The following PCDHA3 variants were observed in gnomAD, a reference collection of about 807,000 sequenced individuals.
PCDHA3 encodes the protein protocadherin alpha-3.
PCDHA3 carries 41 observed loss-of-function variants against 62.2 expected under a neutral mutation model. The observed-to-expected ratio is 0.66, with a 90% CI of 0.51 to 0.86. The LOEUF (loss-of-function observed/expected upper bound fraction) is 0.86, where lower values mean the gene tolerates loss of function less well. Among genes scored for constraint, PCDHA3 ranks in the 40% least tolerant of loss-of-function variants. The pLI, the probability that PCDHA3 is intolerant of heterozygous loss-of-function variation, is 0.00. For synonymous variants in PCDHA3, 640 were observed against 555.4 expected (o/e 1.15, Z -2.14); for missense variants, 1,304 against 1,241.2 (o/e 1.05, Z -0.76).
intron 1 of PCDHA3, among the ~76,000 whole-genome samples, chr5:140,971,471 G>A (rs1274091500): frequency 1.3e-5 from 2 of 152,172 alleles, no homozygotes; most frequent in African/African-American, 4.8e-5. Context: ...TATAGGGAGA[G>A]AGTGTCACAT....
chr5:140,897,383 C>T (rs1554187365), intron 1 of PCDHA3, among the ~76,000 whole-genome samples: 1 of 143,902 alleles, frequency 6.9e-6, no homozygotes, highest in African/African-American at 2.6e-5. Flanking sequence ...CTTCCCCTTC[C>T]TGTGTCCATG....
At chr5:140,821,548 C>T (rs2150109785) in intron 1 of PCDHA3, 2 of 493,744 alleles carry the variant, frequency 4.1e-6, no homozygotes, top group South Asian at 4.1e-5. Context: ...CCCTTTCATC[C>T]ACATGATGTC....
rs1554177749 is a variant in PCDHA3 at position 140,883,345 on chromosome 5, C to T, written c.2394+79754C>T. The T allele has an allele frequency of 1.9e-6, 3 of 1,614,050 alleles. No homozygotes were observed. In the African/African-American group the frequency reaches 4.0e-5, roughly 22 times the overall value. On this transcript the variant is annotated intron_variant, in intron 1 of 3. Transcript: ENST00000522353. ...CCATCACTTCTTTGTCACTCCCCAT[C>T]AGAGAAGACACTCAGCCTAGCGCCA...
chr5:140,866,062 C>T (rs1312576527), intron 1 of PCDHA3: 2 of 152,092 alleles, frequency 1.3e-5, no homozygotes, highest in Non-Finnish European at 2.9e-5. Context: ...ATCAATGCCA[C>T]ACTGAGATAG....
chr5:140,877,902 C>T (rs2153356896), intron 1 of PCDHA3: 1 of 1,438,302 alleles, frequency 7.0e-7, no homozygotes, highest in Middle Eastern at 2.3e-4. Flanking sequence ...TAGGTTATAA[C>T]TACATTCTCT....
At chr5:140,921,071 T>C (rs2080004942) in intron 1 of PCDHA3, among the ~76,000 whole-genome samples, 1 of 152,054 alleles carries the variant, frequency 6.6e-6, no homozygotes, top group Admixed American at 6.6e-5. Flanking sequence ...CCTTGAACTC[T>C]TGGGCTCAAG....
chr5:140,854,193 C>T (rs989719684), intron 1 of PCDHA3: 2 of 563,742 alleles, frequency 3.5e-6, no homozygotes, highest in African/African-American at 2.1e-5. Flanking sequence ...TTTAACTACT[C>T]CCTACTTTTT....
At position 140,978,970 on chromosome 5, in the gene PCDHA3, T is replaced by A; in HGVS notation, c.2416T>A (p.Trp806Arg). The change falls in exon 2 of 4, where the codon TGG (tryptophan) becomes AGG (arginine). Residue 806 changes from tryptophan to arginine, a missense_variant. Coordinates refer to ENST00000522353, the MANE Select transcript of PCDHA3 (RefSeq NM_018906.3). ...SAKPRQPNPD[W>R]RYSASLRAGM... is the part of the protein sequence containing the mutation. Reference sequence around the variant, plus strand: ...GCAGCCACGACAGCCCAACCCTGACTGGCGTTACTCTGCCTCCCTGAGAGC... The same window carrying A: ...GCAGCCACGACAGCCCAACCCTGACAGGCGTTACTCTGCCTCCCTGAGAGC... 6.2e-7 allele frequency: 1 copy of A among 1,614,216 alleles called. No homozygotes were observed. Among genetic ancestry groups the A allele is most frequent in the Admixed American group, 1.7e-5 (1 of 60,030 alleles).
intron 1 of PCDHA3, among the ~76,000 whole-genome samples, chr5:140,946,755 A>G (rs1554217843): frequency 3.3e-5 from 5 of 151,400 alleles, no homozygotes. Context: ...ATACTGCATG[A>G]TCTCATTCAT....
intron 1 of PCDHA3, among the ~76,000 whole-genome samples, chr5:140,922,192 T>A (rs1279791359): frequency 6.6e-6 from 1 of 152,158 alleles, no homozygotes; most frequent in East Asian, 1.9e-4. Context: ...AAAAGTCTTA[T>A]CTTTAATGAA....
chr5:140,928,555 A>G, intron 1 of PCDHA3: 1 of 1,614,240 alleles, frequency 6.2e-7, no homozygotes, highest in Non-Finnish European at 8.5e-7. Flanking sequence ...TTATCCGGTT[A>G]TCTTGTTTCC....
At chr5:140,927,015 G>C in intron 1 of PCDHA3, 1 of 1,612,466 alleles carries the variant, frequency 6.2e-7, no homozygotes, top group Non-Finnish European at 8.5e-7. Context: ...ATCTCTCCGC[G>C]GACTTGAGGC....
rs1038140347 is a variant in PCDHA3 at position 140,928,220 on chromosome 5, C to T, written c.2395-50729C>T. On this transcript the variant is annotated intron_variant, in intron 1 of 3. Transcript: ENST00000522353. ...GTTGCTGATGTGAATGACAATACAC[C>T]AAACTTTCCTCAACCCCAGCAGGAA... The T allele has an allele frequency of 2.5e-6, 4 of 1,614,048 alleles. No individual in the cohort carries two copies. The Admixed American group carries it at 5.0e-5, about 20-fold the overall frequency.
chr5:140,848,542 T>G (rs2150412544), intron 1 of PCDHA3: 1 of 1,595,366 alleles, frequency 6.3e-7, no homozygotes, highest in Non-Finnish European at 8.6e-7. Context: ...CCTCTACTGC[T>G]CTCGCTTCTG....
chr5:140,842,046 T>C (rs1554138752), intron 1 of PCDHA3: 1 of 1,613,856 alleles, frequency 6.2e-7, no homozygotes, highest in African/African-American at 1.3e-5. Flanking sequence ...GCTCCCACTT[T>C]CGAACAGTCT....
At chr5:140,928,696 C>A in intron 1 of PCDHA3, 2 of 1,614,146 alleles carry the variant, frequency 1.2e-6, no homozygotes, top group South Asian at 2.2e-5. Flanking sequence ...CCACATCTCC[C>A]GGGCGTCTGA....
Position 140,946,631 on chromosome 5 carries a change from T to TATATATATATATATAC in PCDHA3, c.2395-32317_2395-32316insTATATATATATATACA, listed in dbSNP as rs57893927. On this transcript the variant is annotated intron_variant, in intron 1 of 3. Coordinates refer to ENST00000522353, the MANE Select transcript of PCDHA3 (RefSeq NM_018906.3). The stretch of plus-strand genomic sequence containing the variant: ...TGTGAAATATATATATATATATATA[T>TATATATATATATATAC]ACAATGGAATACTCATCAGCCATTA... 8.0e-3 allele frequency among the ~76,000 whole-genome samples: 1,048 copies of TATATATATATATATAC among 131,788 alleles called. 65 individuals carry two copies. Among genetic ancestry groups the TATATATATATATATAC allele is most frequent in the African/African-American group, 0.026 (735 of 28,674 alleles). The allele number at this position is 131,788 out of a possible 152,430, so 86.5% of individuals were successfully genotyped here. A position where few individuals can be genotyped will look rare whatever the true frequency, so the allele number is the denominator to read the frequency against.
chr5:140,982,300 G>A (rs2096976836), intron 2 of PCDHA3, 175 bp from the exon 3 acceptor site: 1 of 1,204,506 alleles, frequency 8.3e-7, no homozygotes, highest in South Asian at 1.7e-5. Flanking sequence ...AGTCAGCAAT[G>A]CTTCTGCAGT....
At chr5:140,905,635 A>ACTGTTGCCTCAGGCAGTGCAGG (rs2071993181) in intron 1 of PCDHA3, among the ~76,000 whole-genome samples, 1 of 152,206 alleles carries the variant, frequency 6.6e-6, no homozygotes, top group South Asian at 2.1e-4. Flanking sequence ...CAGTATGGTC[A>ACTGTTGCCTCAGGCAGTGCAGG]GTTTCACAGT....
Sources: gnomAD v4.1 joint callset for allele counts (sites outside exome capture counted in the v4.1 genomes callset) on GRCh38, gnomAD v4.1.1 for gene constraint, MANE v1.5 for transcripts, NCBI Gene and HGNC (gene_info 2026-07-23, HGNC 2026-07-21) for gene names.